CEP112: variants seen among roughly 807,000 people sequenced by gnomAD.
CEP112 encodes the protein centrosomal protein of 112 kDa.
Under a neutral mutation model 153.0 loss-of-function variants are expected in CEP112, and 127 were observed. That is an observed-to-expected ratio of 0.83 (90% confidence interval 0.72 to 0.96). CEP112 has a LOEUF of 0.96. CEP112 is among the 40% of genes least tolerant of loss of function. CEP112 has a pLI of 0.00. For synonymous variants in CEP112, 358 were observed against 374.4 expected, an observed-to-expected ratio of 0.96 and a Z score of 0.51; for missense variants, 1,089 against 1,101.2, an observed-to-expected ratio of 0.99 and a Z score of 0.16.
chr17:65,789,596 T>C (rs991576203), intron 21 of CEP112, among the ~76,000 whole-genome samples: 5 of 152,130 alleles, frequency 3.3e-5, no homozygotes, highest in African/African-American at 1.2e-4. Context: ...TCCCTGAATA[T>C]GCTATTTCAC....
At chr17:66,066,932 C>T (rs971784960) in intron 9 of CEP112, 55 bp from the exon 10 acceptor site, 8 of 1,106,510 alleles carry the variant, frequency 7.2e-6, no homozygotes, top group Non-Finnish European at 9.8e-6. Context: ...ATATAGGACA[C>T]TTTTTTGAAT....
intron 20 of CEP112, among the ~76,000 whole-genome samples, chr17:65,875,890 A>G (rs902676248): frequency 6.6e-6 from 1 of 152,204 alleles, no homozygotes; most frequent in African/African-American, 2.4e-5. Flanking sequence ...GTGAAATTTA[A>G]TACGTAGAGT....
intron 20 of CEP112, among the ~76,000 whole-genome samples, chr17:65,887,473 C>G (rs2059320139): frequency 6.6e-6 from 1 of 152,082 alleles, no homozygotes; most frequent in Non-Finnish European, 1.5e-5. Context: ...CGCTTCAGGA[C>G]CAATAGATTT....
In CEP112 at chr17:65,851,888, G is replaced by A. The variant is rs1220238447; in HGVS notation, c.2310C>T (p.Val770=). The A allele has an allele frequency of 5.0e-6, 8 of 1,613,848 alleles. No homozygotes were observed. The highest frequency in any genetic ancestry group is 6.8e-6 in the Non-Finnish European group (8 of 1,179,998). The change falls in exon 21 of 27, where the codon GTC becomes GTT. Residue 770 remains valine, a synonymous_variant. Coordinates refer to ENST00000535342, the MANE Select transcript of CEP112 (RefSeq NM_001199165.4). ...QRATREHEIV[V]NKLKAESEKM... The stretch of plus-strand genomic sequence containing the variant: ...TTTCTGATTCAGCCTTCAGTTTATT[G>A]ACGACAATCTCATGTTCCCTTGTAG...
At chr17:65,638,164 G>T (rs1040994976) in intron 25 of CEP112, among the ~76,000 whole-genome samples, 2 of 152,218 alleles carry the variant, frequency 1.3e-5, no homozygotes, top group Admixed American at 6.5e-5. Context: ...CCATTCTTAG[G>T]GGGCTGGAGG....
intron 4 of CEP112, among the ~76,000 whole-genome samples, chr17:66,133,038 AAACAAC>A (rs772804905): frequency 1.2e-4 from 18 of 152,062 alleles, no homozygotes; most frequent in South Asian, 4.2e-4. Flanking sequence ...GACTCATCTC[AAACAAC>A]AACAACAACA....
At chr17:66,180,113 T>C (rs1002635507) in intron 2 of CEP112, among the ~76,000 whole-genome samples, 4 of 152,172 alleles carry the variant, frequency 2.6e-5, no homozygotes, top group Non-Finnish European at 4.4e-5. Context: ...GATTTTTGCA[T>C]TAATGTTCAT....
intron 17 of CEP112, among the ~76,000 whole-genome samples, chr17:66,004,568 C>T (rs868729697): frequency 1.5e-4 from 23 of 152,166 alleles, no homozygotes; most frequent in Admixed American, 2.6e-4. Context: ...ATTGTTCTCT[C>T]CTGATTTCAT....
Position 66,053,695 on chromosome 17 carries a change from A to C in CEP112, c.1218+41T>G, listed in dbSNP as rs942120664. 2.5e-6 allele frequency: 4 copies of C among 1,579,114 alleles called. No homozygotes were observed. In the African/African-American group the frequency reaches 5.4e-5, roughly 21 times the overall value. The stretch of plus-strand genomic sequence containing the variant: ...AAACATGAGGACATGGAAATTGAGA[A>C]GACAGGTTCTAAGATGTCAAGAACA... On this transcript the variant is annotated intron_variant, in intron 12 of 26. Coordinates refer to ENST00000535342, the MANE Select transcript of CEP112 (RefSeq NM_001199165.4).
At chr17:66,169,419 GACTAC>G (rs1185851409) in intron 4 of CEP112, among the ~76,000 whole-genome samples, 2 of 151,824 alleles carry the variant, frequency 1.3e-5, no homozygotes, top group Non-Finnish European at 2.9e-5. Flanking sequence ...GAGTAGCTGG[GACTAC>G]AGGCACCCAC....
intron 6 of CEP112, among the ~76,000 whole-genome samples, chr17:66,103,341 AT>A: frequency 6.6e-6 from 1 of 152,184 alleles, no homozygotes; most frequent in South Asian, 2.1e-4. Context: ...CCTAAACAGC[AT>A]TTTTTTAAAA....
At chr17:66,043,741 G>C (rs2066083555) in intron 12 of CEP112, among the ~76,000 whole-genome samples, 1 of 152,044 alleles carries the variant, frequency 6.6e-6, no homozygotes, top group Non-Finnish European at 1.5e-5. Flanking sequence ...TTTTCACTAT[G>C]AGTTTCTCAT....
At chr17:65,661,805 G>A (rs183369526) in intron 24 of CEP112, 9 of 152,162 alleles carry the variant, frequency 5.9e-5, no homozygotes, top group African/African-American at 2.2e-4. Context: ...TCACTTCATC[G>A]GCATTTCATC....
chr17:66,118,836 GAACT>G (rs1425690664), intron 6 of CEP112, among the ~76,000 whole-genome samples: 1 of 151,696 alleles, frequency 6.6e-6, no homozygotes, highest in Admixed American at 6.6e-5. Context: ...CCATAAATAT[GAACT>G]AATATGTATC....
At chr17:66,105,393 C>T (rs1315811445) in intron 6 of CEP112, among the ~76,000 whole-genome samples, 1 of 152,026 alleles carries the variant, frequency 6.6e-6, no homozygotes, top group Non-Finnish European at 1.5e-5. Context: ...ACAAAACAAC[C>T]GGAAAACAAC....
chr17:65,840,182 C>G (rs934420556), intron 21 of CEP112, among the ~76,000 whole-genome samples: 1 of 152,104 alleles, frequency 6.6e-6, no homozygotes, highest in South Asian at 2.1e-4. Context: ...TGTATGGAAC[C>G]ACAGAAGACC....
intron 20 of CEP112, among the ~76,000 whole-genome samples, chr17:65,879,397 A>G (rs750389405): frequency 2.6e-5 from 4 of 152,196 alleles, no homozygotes; most frequent in Non-Finnish European, 5.9e-5. Flanking sequence ...GCTTCCAACA[A>G]CTTCATTTTA....
At chr17:66,024,305 G>A (rs2065113576) in intron 16 of CEP112, among the ~76,000 whole-genome samples, 3 of 151,998 alleles carry the variant, frequency 2.0e-5, no homozygotes, top group Admixed American at 6.6e-5. Context: ...CATAGAACTA[G>A]AAGTCTTAGC....
At chr17:65,638,029 G>A (rs976667696) in intron 25 of CEP112, among the ~76,000 whole-genome samples, 6 of 152,198 alleles carry the variant, frequency 3.9e-5, no homozygotes, top group East Asian at 1.9e-4. Context: ...AATTACTTAA[G>A]CTCTTGATGC....
Sources: allele counts gnomAD v4.1 joint callset (sites outside exome capture counted in the v4.1 genomes callset), GRCh38; gene constraint gnomAD v4.1.1; transcripts MANE v1.5; gene names NCBI Gene and HGNC (gene_info 2026-07-23, HGNC 2026-07-21).